The following KCNN2 variants were observed in gnomAD, a reference collection of about 807,000 sequenced individuals.
KCNN2 encodes small conductance calcium-activated potassium channel protein 2.
In KCNN2, 24 loss-of-function variants were observed where a neutral mutation model predicts 55.5. The ratio of observed to expected loss-of-function variants is 0.43; its 90% CI spans 0.31 to 0.61. The LOEUF (loss-of-function observed/expected upper bound fraction) is 0.61. Ranked by LOEUF, KCNN2 falls within the 20% of genes least tolerant of loss-of-function variation. The pLI, the probability that KCNN2 is intolerant of heterozygous loss-of-function variation, is 0.08. For missense variants in KCNN2, 754 were observed against 853.6 expected (o/e 0.88, Z 1.45); for synonymous variants, 431 against 336.1 (o/e 1.28, Z -3.09).
chr5:114,123,821 C>T (rs1751875409), intron 1 of KCNN2, among the ~76,000 whole-genome samples: 1 of 152,148 alleles, frequency 6.6e-6, no homozygotes, highest in African/African-American at 2.4e-5. Context: ...TTTTCAAATA[C>T]ATGCCTGTGA....
At chr5:114,206,664 T>G (rs1350147975) in intron 1 of KCNN2, among the ~76,000 whole-genome samples, 1 of 152,090 alleles carries the variant, frequency 6.6e-6, no homozygotes, top group Non-Finnish European at 1.5e-5. Context: ...TCTCCTTTTC[T>G]TTCTCCCCTG....
At position 114,496,062 on chromosome 5, in the gene KCNN2, T is replaced by G. The variant is rs1212419295; in HGVS notation, c.2256T>G (p.Ile752Met). The G allele has an allele frequency of 6.2e-7, 1 of 1,613,900 alleles. No individual in the cohort carries two copies. Among genetic ancestry groups the G allele is most frequent in the Non-Finnish European group, 8.5e-7 (1 of 1,179,972 alleles). Residue 752 changes from isoleucine to methionine, a missense_variant, in exon 8 of 8, where the codon ATT becomes ATG. Ile to Met is a conservative substitution (Grantham distance 10). Around this residue, in one of 4 missense-constraint regions of KCNN2, gnomAD observed 164 missense variants for 156.6 expected, o/e 1.05. Coordinates refer to ENST00000673685, the MANE Select transcript of KCNN2 (RefSeq NM_021614.4). Reference protein sequence around the residue: ...QTIRQQQRDFIEAQMESYDKH... With the variant: ...QTIRQQQRDFMEAQMESYDKH... Reference sequence around the variant, plus strand: ...TCAGGCAGCAGCAGAGAGATTTCATTGAGGCTCAGATGGAGAGCTACGACA... The same window carrying G: ...TCAGGCAGCAGCAGAGAGATTTCATGGAGGCTCAGATGGAGAGCTACGACA...
At chr5:114,122,047 A>T (rs1751839571) in intron 1 of KCNN2, among the ~76,000 whole-genome samples, 1 of 152,216 alleles carries the variant, frequency 6.6e-6, no homozygotes, top group Non-Finnish European at 1.5e-5. Context: ...TCTGAGTGAG[A>T]CTTGCATGTG....
chr5:114,257,003 A>G (rs1754995320), intron 2 of KCNN2, among the ~76,000 whole-genome samples: 1 of 152,156 alleles, frequency 6.6e-6, no homozygotes, highest in African/African-American at 2.4e-5. Flanking sequence ...TAGGTCATAC[A>G]TTTAAATCTA....
rs111283327 is a variant in KCNN2 at position 114,085,915 on chromosome 5, G to T, written c.-271+29415G>T. 1.9e-4 allele frequency among the ~76,000 whole-genome samples: 29 copies of T among 151,888 alleles called. 1 individual carries two copies. Among genetic ancestry groups the T allele is most frequent in the African/African-American group, 7.0e-4 (29 of 41,430 alleles). On this transcript the variant is annotated intron_variant, in intron 1 of 10. Coordinates refer to the KCNN2 transcript ENST00000512097. ...ATATATTTTGAAGCACTGTCATTTG[G>T]TACATACACACTGAGGATTCTTATG...
intron 1 of KCNN2, among the ~76,000 whole-genome samples, chr5:114,159,450 T>C (rs1000531343): frequency 2.0e-5 from 3 of 152,196 alleles, no homozygotes; most frequent in Non-Finnish European, 4.4e-5. Context: ...TCAAGGATAT[T>C]GGTTTAAAAT....
rs771592365 is a variant in KCNN2, at chr5:114,362,855, T to G, written c.716T>G (p.Met239Arg). Reference protein sequence around the residue: ...LSASRRNLHEMDSEAQPLQPP... With the variant: ...LSASRRNLHERDSEAQPLQPP... Reference sequence around the variant, plus strand: ...GCGTCCCGCCGGAACCTGCACGAGATGGACTCAGAGGCGCAGCCCCTGCAG... The same window carrying G: ...GCGTCCCGCCGGAACCTGCACGAGAGGGACTCAGAGGCGCAGCCCCTGCAG... The change falls in exon 1 of 8, where the codon ATG (methionine) becomes AGG (arginine). Residue 239 changes from methionine (M) to arginine (R), a missense_variant. Coordinates refer to ENST00000673685, the MANE Select transcript of KCNN2 (RefSeq NM_021614.4). 2.5e-6 allele frequency: 4 copies of G among 1,599,974 alleles called. No homozygotes were observed. The highest frequency in any genetic ancestry group is 3.4e-6 in the Non-Finnish European group (4 of 1,178,854).
intron 2 of KCNN2, among the ~76,000 whole-genome samples, chr5:114,292,319 G>T (rs1276402455): frequency 1.3e-5 from 2 of 152,068 alleles, no homozygotes; most frequent in Non-Finnish European, 2.9e-5. Context: ...GTTTTTATGG[G>T]TTTAGGTCTA....
chr5:114,495,676 A>G (rs1748076600), intron 7 of KCNN2, among the ~76,000 whole-genome samples: 1 of 152,198 alleles, frequency 6.6e-6, no homozygotes, highest in Non-Finnish European at 1.5e-5. Context: ...TACCTGCTCC[A>G]CATTTTCTGC....
intron 2 of KCNN2, among the ~76,000 whole-genome samples, chr5:114,356,173 T>C (rs752789162): frequency 6.6e-6 from 1 of 152,158 alleles, no homozygotes; most frequent in Non-Finnish European, 1.5e-5. Flanking sequence ...TCTTTGCTGC[T>C]CACTAGCTAG....
At chr5:114,124,131 A>G (rs370023240) in intron 1 of KCNN2, among the ~76,000 whole-genome samples, 26 of 152,190 alleles carry the variant, frequency 1.7e-4, no homozygotes, top group East Asian at 9.6e-4. Context: ...TTGATCAGCC[A>G]AGTTGTTTGT....
intron 2 of KCNN2, among the ~76,000 whole-genome samples, chr5:114,277,639 G>T (rs569937744): frequency 6.6e-6 from 1 of 152,280 alleles, no homozygotes; most frequent in East Asian, 1.9e-4. Flanking sequence ...AGCTACTGAA[G>T]CTTGTGCATG....
intron 1 of KCNN2, among the ~76,000 whole-genome samples, chr5:114,139,036 T>A (rs1432504764): frequency 6.6e-6 from 1 of 152,182 alleles, no homozygotes; most frequent in Non-Finnish European, 1.5e-5. Flanking sequence ...CCAATATCTA[T>A]TTTATATGCT....
chr5:114,439,723 A>G (rs1043419412), intron 3 of KCNN2, among the ~76,000 whole-genome samples: 2 of 152,204 alleles, frequency 1.3e-5, no homozygotes, highest in East Asian at 1.9e-4. Context: ...GGATATACCT[A>G]TAATAAAAGA....
chr5:114,060,672 T>C (rs1375543937), intron 1 of KCNN2, among the ~76,000 whole-genome samples: 1 of 152,198 alleles, frequency 6.6e-6, no homozygotes, highest in Non-Finnish European at 1.5e-5. Flanking sequence ...CTTGGTTAGG[T>C]CACAATCTCT....
intron 2 of KCNN2, among the ~76,000 whole-genome samples, chr5:114,255,177 CCAGATGTCTTCCCT>C (rs1754957587): frequency 6.6e-6 from 1 of 152,020 alleles, no homozygotes; most frequent in South Asian, 2.1e-4. Flanking sequence ...GAGAAAAATG[CCAGATGTCTTCCCT>C]CAAGGAGTTT....
intron 1 of KCNN2, among the ~76,000 whole-genome samples, chr5:114,197,367 T>C (rs1330009154): frequency 6.6e-6 from 1 of 152,194 alleles, no homozygotes; most frequent in Non-Finnish European, 1.5e-5. Flanking sequence ...GTTCAAGTCT[T>C]CTCTCTCCTT....
intron 1 of KCNN2, among the ~76,000 whole-genome samples, chr5:114,154,941 A>G (rs781481914): frequency 2.0e-5 from 3 of 152,108 alleles, no homozygotes; most frequent in Non-Finnish European, 4.4e-5. Context: ...TACATAGGCA[A>G]ACTTTCATCA....
chr5:114,470,251 AG>A (rs1157725248), intron 4 of KCNN2, among the ~76,000 whole-genome samples: 4 of 152,168 alleles, frequency 2.6e-5, no homozygotes, highest in Admixed American at 2.0e-4. Flanking sequence ...GCCACCTGCC[AG>A]GGGAGAACAA....
Sources: gnomAD v4.1 joint callset for allele counts (sites outside exome capture counted in the v4.1 genomes callset) on GRCh38, gnomAD v4.1.1 for gene constraint, gnomAD v4.1.1 regional missense constraint, MANE v1.5 for transcripts, NCBI Gene and HGNC (gene_info 2026-07-23, HGNC 2026-07-21) for gene names.